LIG3: variants seen among roughly 807,000 people sequenced by gnomAD.
The protein encoded by LIG3 is DNA ligase 3, also known as ligase II, DNA, ATP-dependent.
In LIG3, 58 loss-of-function variants were observed where a neutral mutation model predicts 110.9. The observed-to-expected ratio is 0.52, with a 90% CI of 0.42 to 0.65. LIG3 has a LOEUF of 0.65. Ranked by LOEUF, LIG3 falls within the 30% of genes least tolerant of loss-of-function variation. The pLI, the probability that LIG3 is intolerant of heterozygous loss-of-function variation, is 0.00. For missense variants in LIG3, 1,094 were observed against 1,273.8 expected (o/e 0.86, Z 2.15); for synonymous variants, 422 against 472.8 (o/e 0.89, Z 1.39).
intron 14 of LIG3, 108 bp from the exon 15 acceptor site, chr17:34,999,197 ACT>A (rs1354392853): frequency 9.5e-6 from 12 of 1,262,208 alleles, no homozygotes; most frequent in Non-Finnish European, 1.2e-5. Flanking sequence ...CAAGAGGTAA[ACT>A]CTGGCACTCT....
chr17:35,003,000 G>A (rs764829184), intron 19 of LIG3: 2 of 1,613,770 alleles, frequency 1.2e-6, no homozygotes, highest in African/African-American at 1.3e-5. Flanking sequence ...TGCAGAGGCG[G>A]CCAGCCAGTG....
intron 12 of LIG3, 119 bp from the exon 13 acceptor site, chr17:34,998,100 T>C (rs1351726587): frequency 5.4e-6 from 4 of 746,732 alleles, no homozygotes; most frequent in Admixed American, 2.8e-5. Context: ...TTGTCCCTTA[T>C]ATTTCAAGTA....
intron 2 of LIG3, 36 bp from the exon 3 acceptor site, chr17:34,985,952 C>T (rs2090650171): frequency 6.2e-6 from 10 of 1,601,676 alleles, no homozygotes; most frequent in Non-Finnish European, 8.5e-6. Context: ...AGATCGTTCA[C>T]TGAAGGATAT....
intron 16 of LIG3, among the ~76,000 whole-genome samples, chr17:35,001,050 G>A (rs999190050): frequency 3.3e-5 from 5 of 151,752 alleles, no homozygotes; most frequent in East Asian, 1.9e-4. Context: ...GACTACAGGC[G>A]TGCACCACCG....
Position 35,006,298 on chromosome 17 carries a change from CTTATT to C in LIG3, c.*1796_*1800del, listed in dbSNP as rs2090894860. The C allele has an allele frequency of 6.5e-6, 1 of 154,958 alleles. No individual in the cohort carries two copies. The highest frequency in any genetic ancestry group is 2.0e-4 in the South Asian group (1 of 4,984). 9.6% of individuals were successfully genotyped at this position (154,958 alleles called of 1,614,324 possible). A position where few individuals can be genotyped will look rare whatever the true frequency, so the allele number is the denominator to read the frequency against. ...CTGGCACAACTAAGGAACTGAAGTT[CTTATT>C]TTAATTCAACTTCAAATGGTCACAT... On this transcript the variant is annotated 3_prime_UTR_variant, in exon 20 of 20. Transcript: ENST00000378526.
Position 34,990,957 on chromosome 17 carries a change from C to G in LIG3, c.890-6C>G. The G allele has an allele frequency of 6.2e-7, 1 of 1,613,414 alleles. No homozygotes were observed. The highest frequency in any genetic ancestry group is 1.3e-5 in the African/African-American group (1 of 75,014). ...ATTTCTCAAGAAGGGTTCCTTCTGT[C>G]TCCAGATGGTTTCCACGGTGATGTG... On this transcript the variant is annotated splice_polypyrimidine_tract_variant and splice_region_variant and intron_variant, in intron 4 of 19. Transcript: ENST00000378526.
At chr17:35,001,653 TG>T (rs2090843327) in intron 17 of LIG3, among the ~76,000 whole-genome samples, 1 of 152,168 alleles carries the variant, frequency 6.6e-6, no homozygotes, top group Admixed American at 6.5e-5. Context: ...GCCTTTAGTC[TG>T]GGGAATAAGA....
At chr17:34,988,371 T>A (rs921578156) in intron 3 of LIG3, among the ~76,000 whole-genome samples, 3 of 152,076 alleles carry the variant, frequency 2.0e-5, no homozygotes, top group Admixed American at 2.0e-4. Flanking sequence ...TCTTGCAACC[T>A]GGTTGAACAT....
Position 34,995,926 on chromosome 17 carries a change from CTA to C in LIG3, c.1612-134_1612-133del, listed in dbSNP as rs1437034043. The C allele has an allele frequency of 9.4e-6, 10 of 1,064,876 alleles. No homozygotes were observed. The East Asian group carries it at 2.4e-4, about 26-fold the overall frequency. 66.0% of individuals were successfully genotyped at this position (1,064,876 alleles called of 1,614,324 possible). A position where few individuals can be genotyped will look rare whatever the true frequency, so the allele number is the denominator to read the frequency against. On this transcript the variant is annotated intron_variant, in intron 9 of 19. Transcript: ENST00000378526. ...TGTCCAGGTGGCTCGCAAGGCCTAGCTATATGTTTTGCACATTAGCTGGGCCT... is the reference window on the plus strand; with the variant it reads ...TGTCCAGGTGGCTCGCAAGGCCTAGCTATGTTTTGCACATTAGCTGGGCCT...
In LIG3 at chr17:34,996,566, C is replaced by T. The variant is rs946437647; in HGVS notation, c.1744-8C>T. On this transcript the variant is annotated splice_region_variant and splice_polypyrimidine_tract_variant and intron_variant, in intron 10 of 19. Transcript: ENST00000378526. ...TATGTGTACCTACTACCTCATTTTC[C>T]CTTACAGAAAGCAGCCTTCCAGGAT... The T allele has an allele frequency of 1.9e-6, 3 of 1,612,094 alleles. No homozygotes were observed. The Admixed American group carries it at 5.0e-5, about 27-fold the overall frequency.
intron 16 of LIG3, among the ~76,000 whole-genome samples, chr17:35,000,106 G>A (rs1363128986): frequency 6.6e-6 from 1 of 152,216 alleles, no homozygotes; most frequent in East Asian, 1.9e-4. Context: ...CACAAAGGGT[G>A]TGTTCTAGAA....
rs1225041100 is a variant in LIG3 at position 34,996,333 on chromosome 17, T to C, written c.1743+138T>C. ...TCTTCGCTTCTGACCTGTTTCTGGT[T>C]TGGATTTTTGTCTTTTGTTTTTCTC... On this transcript the variant is annotated intron_variant, in intron 10 of 19. Transcript: ENST00000378526. 7 of 1,104,486 alleles carry C rather than the reference T, an allele frequency of 6.3e-6. No homozygotes were observed. In the South Asian group the frequency reaches 8.1e-5, roughly 13 times the overall value. 68.4% of individuals were successfully genotyped at this position (1,104,486 alleles called of 1,614,324 possible). A position where few individuals can be genotyped will look rare whatever the true frequency, so the allele number is the denominator to read the frequency against.
chr17:34,997,693 G>C (rs1224096052), intron 11 of LIG3, 45 bp from the exon 12 acceptor site: 1 of 1,370,212 alleles, frequency 7.3e-7, no homozygotes. Context: ...TCCTAATAAG[G>C]GAGGGAGGAT....
chr17:34,991,543 G>A, intron 5 of LIG3, 128 bp from the exon 6 acceptor site: 2 of 867,988 alleles, frequency 2.3e-6, no homozygotes, highest in South Asian at 3.2e-5. Context: ...TAAGAAGTGG[G>A]CTAGATATGT....
intron 3 of LIG3, among the ~76,000 whole-genome samples, chr17:34,988,384 A>T (rs987188763): frequency 2.0e-5 from 3 of 152,130 alleles, no homozygotes; most frequent in African/African-American, 7.2e-5. Context: ...TTGAACATTG[A>T]CACTTTGGAG....
intron 19 of LIG3, 147 bp downstream of exon 19, chr17:35,002,936 T>A (rs1156451216): frequency 6.2e-7 from 1 of 1,611,088 alleles, no homozygotes; most frequent in African/African-American, 1.3e-5. Flanking sequence ...GCCACTCCTC[T>A]GTCGTGGGCA....
chr17:34,986,764 T>G (rs758525199), intron 3 of LIG3, among the ~76,000 whole-genome samples: 1 of 152,238 alleles, frequency 6.6e-6, no homozygotes, highest in Admixed American at 6.5e-5. Flanking sequence ...CTTCCTTGTG[T>G]TTTGATAATG....
chr17:34,996,777 G>C, intron 11 of LIG3, 124 bp downstream of exon 11: 1 of 783,780 alleles, frequency 1.3e-6, no homozygotes, highest in South Asian at 1.5e-5. Context: ...ACATACGTTT[G>C]TGCTCAGGAG....
rs934101165 is a variant in LIG3, at chr17:34,999,587, C to T, written c.2256+138C>T. ...GCTTGCTCAGGGGAGCAGGATTAGG[C>T]CTTATAATCTCTGAATGCCTTCTTG... On this transcript the variant is annotated intron_variant, in intron 15 of 19. Transcript: ENST00000378526. 1.5e-5 allele frequency: 19 copies of T among 1,226,152 alleles called. No individual in the cohort carries two copies. In the African/African-American group the frequency reaches 2.6e-4, roughly 17 times the overall value. 76.0% of individuals were successfully genotyped at this position (1,226,152 alleles called of 1,614,324 possible). A position where few individuals can be genotyped will look rare whatever the true frequency, so the allele number is the denominator to read the frequency against.
Sources: allele counts gnomAD v4.1 joint callset (sites outside exome capture counted in the v4.1 genomes callset), GRCh38; gene constraint gnomAD v4.1.1; transcripts MANE v1.5; gene names NCBI Gene and HGNC (gene_info 2026-07-23, HGNC 2026-07-21).